Variants in CACNA1C observed in about 807,000 individuals in gnomAD.
CACNA1C encodes voltage-dependent L-type calcium channel subunit alpha-1C.
In CACNA1C, 30 loss-of-function variants were observed where a neutral mutation model predicts 229.0. The observed-to-expected ratio is 0.13, with a 90% CI of 0.10 to 0.18. CACNA1C has a LOEUF of 0.18. CACNA1C is among the 10% of genes least tolerant of loss of function. The pLI is 1.00. For synonymous variants in CACNA1C, 1,114 were observed against 1,132.5 expected (o/e 0.98, Z 0.33); for missense variants, 1,658 against 2,845.0 (o/e 0.58, Z 9.49).
rs1345488319 is a variant in CACNA1C, at chr12:2,215,989, A to T, written c.477+95559A>T. 2.0e-5 allele frequency among the ~76,000 whole-genome samples: 3 copies of T among 152,248 alleles called. No individual in the cohort carries two copies. The highest frequency in any genetic ancestry group is 4.4e-5 in the Non-Finnish European group (3 of 68,046). On this transcript the variant is annotated intron_variant, in intron 3 of 46. Coordinates refer to ENST00000399655, the MANE Select transcript of CACNA1C (RefSeq NM_000719.7). The surrounding 1 kb of genome is among the most constrained non-coding windows in gnomAD (Gnocchi z 5.0). ...CAGTTGACATGCTCTGTTGTCAAGA[A>T]CACAAGAACCAGAGAGAAAGCACAC...
intron 3 of CACNA1C, among the ~76,000 whole-genome samples, chr12:2,326,169 CGAG>C (rs1378663544): frequency 1.3e-5 from 2 of 151,568 alleles, no homozygotes; most frequent in Middle Eastern, 3.2e-3. Context: ...AGGAGGATGA[CGAG>C]GGAGGAGAGA....
At chr12:2,417,021 C>T (rs1723790682) in intron 3 of CACNA1C, among the ~76,000 whole-genome samples, 1 of 152,192 alleles carries the variant, frequency 6.6e-6, no homozygotes, top group Non-Finnish European at 1.5e-5. Flanking sequence ...AGTCTTGTTC[C>T]GTACACACCT....
rs1033099422 is a variant in CACNA1C, at chr12:2,410,137, T to G, written c.478-38839T>G. On this transcript the variant is annotated intron_variant, in intron 3 of 46. Transcript: ENST00000399655. The surrounding 1 kb of genome is among the most constrained non-coding windows in gnomAD (Gnocchi z 5.3). ...GCTTTTAGCTGTCAGCCTTGGATGG[T>G]GGGCTCATGCATTCTGTTCCCACTC... Among the ~76,000 whole-genome samples, 1 of 152,218 alleles carries G rather than the reference T, an allele frequency of 6.6e-6. No homozygotes were observed. The highest frequency in any genetic ancestry group is 1.5e-5 in the Non-Finnish European group (1 of 68,028).
chr12:2,415,608 C>G lies in CACNA1C; in HGVS notation c.478-33368C>G, dbSNP rs563763497. On this transcript the variant is annotated intron_variant, in intron 3 of 46. Coordinates refer to ENST00000399655, the MANE Select transcript of CACNA1C (RefSeq NM_000719.7). ...AGTGACACACTCTGTGGCTGCCGCT[C>G]TCCTCTGAGTTGGTCAAGCAGAGGC... 5.9e-5 allele frequency among the ~76,000 whole-genome samples: 9 copies of G among 152,320 alleles called. No individual in the cohort carries two copies. In the East Asian group the frequency reaches 1.2e-3, roughly 20 times the overall value.
intron 3 of CACNA1C, among the ~76,000 whole-genome samples, chr12:2,302,489 A>C (rs941631027): frequency 6.6e-6 from 1 of 151,902 alleles, no homozygotes; most frequent in African/African-American, 2.4e-5. Context: ...CAATTATTGG[A>C]AGTTCCTCCC....
intron 3 of CACNA1C, among the ~76,000 whole-genome samples, chr12:2,328,675 G>A (rs1331138046): frequency 6.6e-6 from 1 of 152,194 alleles, no homozygotes. Context: ...CTGAATCAAT[G>A]AATGCCACTT....
intron 3 of CACNA1C, among the ~76,000 whole-genome samples, chr12:2,148,916 A>G (rs1005619258): frequency 6.6e-6 from 1 of 152,040 alleles, no homozygotes; most frequent in Non-Finnish European, 1.5e-5. Context: ...TGGCCCTGGG[A>G]CTCATTGCTT....
At chr12:2,374,409 A>G (rs2097967697) in intron 3 of CACNA1C, among the ~76,000 whole-genome samples, 1 of 152,180 alleles carries the variant, frequency 6.6e-6, no homozygotes, top group African/African-American at 2.4e-5. Context: ...TTTTCCCATG[A>G]CTGGGGACTG....
At chr12:2,147,357 T>C (rs1283832014) in intron 3 of CACNA1C, among the ~76,000 whole-genome samples, 1 of 151,424 alleles carries the variant, frequency 6.6e-6, no homozygotes, top group African/African-American at 2.4e-5. Flanking sequence ...CCTTCCAGTG[T>C]GCTTCTGTAT....
chr12:2,148,241 G>T (rs2094904436), intron 3 of CACNA1C, among the ~76,000 whole-genome samples: 1 of 151,208 alleles, frequency 6.6e-6, no homozygotes, highest in African/African-American at 2.4e-5. Context: ...TTGCCCGATG[G>T]TTCTTTTTGG....
At chr12:1,997,860 T>A in intron 1 of CACNA1C, 1 of 1,220,186 alleles carries the variant, frequency 8.2e-7, no homozygotes, top group Middle Eastern at 1.9e-4. Context: ...TGCATGCACT[T>A]GAAGAAGAGT....
chr12:2,115,301 A>G lies in CACNA1C; in HGVS notation c.127A>G (p.Ile43Val). 1 of 1,594,412 alleles carries G rather than the reference A, an allele frequency of 6.3e-7. No individual in the cohort carries two copies. ...GGCAGCGGGGCTGGCCCCTGAGCAC[A>G]TCCCCACCCCGGGGGCTGCCCTGTC... ...NAAAGLAPEH[I>V]PTPGAALSWQ... Residue 43 changes from isoleucine (I) to valine (V), a missense_variant, in exon 2 of 47, where the codon ATC becomes GTC. Physicochemically the swap from Ile to Val is conservative, Grantham distance 29. Around this residue, in one of 20 missense-constraint regions of CACNA1C, gnomAD observed 111 missense variants for 128.0 expected, o/e 0.87. Coordinates refer to ENST00000399655, the MANE Select transcript of CACNA1C (RefSeq NM_000719.7).
intron 3 of CACNA1C, among the ~76,000 whole-genome samples, chr12:2,243,198 T>A (rs1242258990): frequency 5.3e-5 from 8 of 152,220 alleles, no homozygotes; most frequent in Non-Finnish European, 1.2e-4. Context: ...CCATGGTAAT[T>A]GAGCTCTGAC....
chr12:2,501,236 T>TAAAAAAAAAAAAAAAAAAAAAAAAAAA (rs2099759477), intron 7 of CACNA1C, among the ~76,000 whole-genome samples: 1 of 87,858 alleles, frequency 1.1e-5, no homozygotes. Flanking sequence ...AAAAAAAAAG[T>TAAAAAAAAAAAAAAAAAAAAAAAAAAA]AAAGCAATAC....
At chr12:2,473,125 G>A (rs769877254) in intron 5 of CACNA1C, among the ~76,000 whole-genome samples, 4 of 152,194 alleles carry the variant, frequency 2.6e-5, no homozygotes, top group Non-Finnish European at 5.9e-5. Flanking sequence ...CCAACCTCCT[G>A]ACACTGCTTT....
In CACNA1C at chr12:2,677,459, T is replaced by C. The variant is rs2096881015; in HGVS notation, c.4956+238T>C. ...TGCCTGCTGTCATAGCCCCCAGATC[T>C]CTCAAATACTTCACTGAGGCTCCCG... On this transcript the variant is annotated intron_variant, in intron 40 of 46. Coordinates refer to ENST00000399655, the MANE Select transcript of CACNA1C (RefSeq NM_000719.7). The surrounding 1 kb of genome is among the most constrained non-coding windows in gnomAD (Gnocchi z 7.4). 9.8e-6 allele frequency: 6 copies of C among 611,986 alleles called. No individual in the cohort carries two copies. The Admixed American group carries it at 1.8e-4, about 18-fold the overall frequency. The allele number at this position is 611,986 out of a possible 1,614,324, so 37.9% of individuals were successfully genotyped here.
chr12:2,417,957 G>A (rs1452705330), intron 3 of CACNA1C, among the ~76,000 whole-genome samples: 3 of 152,096 alleles, frequency 2.0e-5, no homozygotes, highest in Non-Finnish European at 4.4e-5. Context: ...TACAGGTGCT[G>A]GGCTCAGCAG....
At position 2,346,412 on chromosome 12, in the gene CACNA1C, C is replaced by G. The variant is rs2097025292; in HGVS notation, c.478-102564C>G. Among the ~76,000 whole-genome samples the G allele has an allele frequency of 6.6e-6, 1 of 152,104 alleles. No individual in the cohort carries two copies. Among genetic ancestry groups the G allele is most frequent in the African/African-American group, 2.4e-5 (1 of 41,400 alleles). On this transcript the variant is annotated intron_variant, in intron 3 of 46. Transcript: ENST00000399655. The surrounding 1 kb of genome is among the most constrained non-coding windows in gnomAD (Gnocchi z 4.4). ...TGTTTGGGCAAGACTGTGTTCCACC[C>G]CCTTCCCCAGGCTTGGGACAAGCTC... is the stretch of plus-strand genomic sequence containing the variant.
At position 1,971,207 on chromosome 12, in the gene CACNA1C, A is replaced by G. The variant is rs112721107; in HGVS notation, c.139+6A>G. ...TTTCTACATCTCTCCTGGAGGTAAG[A>G]AACCCTAAAGTGAAATAAAGAGTAG... On this transcript the variant is annotated splice_donor_region_variant and intron_variant, in intron 1 of 46. Coordinates refer to the CACNA1C transcript ENST00000682462. The surrounding 1 kb of genome is among the most constrained non-coding windows in gnomAD (Gnocchi z 4.2). The G allele has an allele frequency of 0.035, 45,024 of 1,283,214 alleles. 929 individuals carry two copies. The highest frequency in any genetic ancestry group is 0.07 in the Middle Eastern group (330 of 4,690). 79.5% of individuals were successfully genotyped at this position (1,283,214 alleles called of 1,614,324 possible). A position where few individuals can be genotyped will look rare whatever the true frequency, so the allele number is the denominator to read the frequency against.
Sources: allele counts gnomAD v4.1 joint callset (sites outside exome capture counted in the v4.1 genomes callset), GRCh38; gene constraint gnomAD v4.1.1; regional missense constraint gnomAD v4.1.1; non-coding constraint Gnocchi (gnomAD v3.1); transcripts MANE v1.5; gene names NCBI Gene and HGNC (gene_info 2026-07-23, HGNC 2026-07-21).